NCOA1: variants seen among roughly 807,000 people sequenced by gnomAD.
The protein encoded by NCOA1 is Hin-2 protein.
In NCOA1, 35 loss-of-function variants were observed where a neutral mutation model predicts 150.9. The observed-to-expected ratio is 0.23, with a 90% CI of 0.18 to 0.31. NCOA1 has a LOEUF of 0.31. Among genes scored for constraint, NCOA1 ranks in the 10% least tolerant of loss-of-function variants. The pLI, the probability that NCOA1 is intolerant of heterozygous loss-of-function variation, is 1.00. For missense variants in NCOA1, 1,491 were observed against 1,749.3 expected (o/e 0.85, Z 2.63); for synonymous variants, 590 against 630.0 (o/e 0.94, Z 0.95).
chr2:24,693,413 T>C, intron 10 of NCOA1, 66 bp downstream of exon 10: 1 of 1,322,798 alleles, frequency 7.6e-7, no homozygotes. Flanking sequence ...TTAAAACTAA[T>C]TATATCCAGA....
chr2:24,622,619 C>T (rs1342241973), intron 3 of NCOA1, among the ~76,000 whole-genome samples: 1 of 152,178 alleles, frequency 6.6e-6, no homozygotes, highest in Non-Finnish European at 1.5e-5. Flanking sequence ...TCCCTAGACC[C>T]TTACCAGTGC....
intron 17 of NCOA1, among the ~76,000 whole-genome samples, chr2:24,734,965 C>A (rs1046576859): frequency 4.6e-5 from 7 of 151,988 alleles, no homozygotes; most frequent in Non-Finnish European, 1.0e-4. Context: ...ACAGAGGTGA[C>A]AATGGGGAAA....
At chr2:24,503,476 A>G (rs1372671093) in intron 1 of NCOA1, among the ~76,000 whole-genome samples, 1 of 152,240 alleles carries the variant, frequency 6.6e-6, no homozygotes, top group African/African-American at 2.4e-5. Context: ...TACAAATTTT[A>G]ATTGAATACC....
intron 19 of NCOA1, 122 bp downstream of exon 19, chr2:24,742,308 G>A (rs749437962): frequency 3.4e-6 from 4 of 1,161,094 alleles, no homozygotes; most frequent in Non-Finnish European, 4.8e-6. Context: ...ACTGACGTGG[G>A]AGTCTGGAGA....
chr2:24,564,456 G>C (rs1412953760), intron 2 of NCOA1, 26 bp downstream of exon 2: 2 of 152,170 alleles, frequency 1.3e-5, no homozygotes, highest in African/African-American at 4.8e-5. Flanking sequence ...TTTTACTTTA[G>C]TTTTGACTCC....
At chr2:24,757,864 A>T in intron 20 of NCOA1, 109 bp from the exon 21 acceptor site, 1 of 959,746 alleles carries the variant, frequency 1.0e-6, no homozygotes, top group African/African-American at 1.7e-5. Flanking sequence ...AGTTACAGTC[A>T]TACATGCAAT....
At chr2:24,729,860 A>G (rs1300782425) in intron 17 of NCOA1, 45 bp downstream of exon 17, 3 of 1,422,546 alleles carry the variant, frequency 2.1e-6, no homozygotes, top group East Asian at 2.5e-5. Flanking sequence ...TTTTTTTGAG[A>G]CGAAGTCTCA....
chr2:24,714,470 G>A (rs1673917446), intron 14 of NCOA1, among the ~76,000 whole-genome samples: 1 of 151,628 alleles, frequency 6.6e-6, no homozygotes, highest in South Asian at 2.1e-4. Context: ...GGGACAACAT[G>A]AACATAATGA....
At position 24,768,408 on chromosome 2, in the gene NCOA1, G is replaced by A. The variant is rs1475500433; in HGVS notation, c.*17G>A. 6 of 1,530,520 alleles carry A rather than the reference G, an allele frequency of 3.9e-6. No homozygotes were observed. The Admixed American group carries it at 7.6e-5, about 19-fold the overall frequency. The allele number at this position is 1,530,520 out of a possible 1,614,324, so 94.8% of individuals were successfully genotyped here. A position where few individuals can be genotyped will look rare whatever the true frequency, so the allele number is the denominator to read the frequency against. On this transcript the variant is annotated 3_prime_UTR_variant, in exon 23 of 23. Transcript: ENST00000348332. ...ACTGAATAACCACTTTTAAAGGAAT[G>A]TGAAATTTAAATAATAGACATACAG...
At chr2:24,514,963 C>G (rs562663781) in intron 1 of NCOA1, among the ~76,000 whole-genome samples, 2 of 151,944 alleles carry the variant, frequency 1.3e-5, no homozygotes, top group Non-Finnish European at 2.9e-5. Context: ...AGAGATGGTA[C>G]GGATTCATTG....
intron 1 of NCOA1, among the ~76,000 whole-genome samples, chr2:24,559,394 G>T (rs1225139704): frequency 1.3e-5 from 2 of 152,154 alleles, no homozygotes; most frequent in Non-Finnish European, 2.9e-5. Context: ...ATTTTTCTCT[G>T]TGTTCCTGTA....
At chr2:24,602,025 C>T (rs1040555774) in intron 3 of NCOA1, among the ~76,000 whole-genome samples, 3 of 152,028 alleles carry the variant, frequency 2.0e-5, no homozygotes, top group African/African-American at 7.2e-5. Flanking sequence ...ATGCCTTCAC[C>T]GTTTAATTTT....
intron 2 of NCOA1, among the ~76,000 whole-genome samples, chr2:24,582,939 A>G (rs1558811943): frequency 6.6e-6 from 1 of 152,220 alleles, no homozygotes; most frequent in Non-Finnish European, 1.5e-5. Context: ...ATCGTATACA[A>G]AAATCAACTC....
At chr2:24,699,159 A>G (rs1461787741) in intron 11 of NCOA1, among the ~76,000 whole-genome samples, 2 of 152,188 alleles carry the variant, frequency 1.3e-5, no homozygotes, top group African/African-American at 4.8e-5. Context: ...TGACTTTTGC[A>G]TAGGTTTGGG....
rs530652081 is a variant in NCOA1, at chr2:24,720,191, C to T, written c.2600-6398C>T. Among the ~76,000 whole-genome samples, 5 of 152,186 alleles carry T rather than the reference C, an allele frequency of 3.3e-5. No individual in the cohort carries two copies. The South Asian group carries it at 1.0e-3, about 32-fold the overall frequency. On this transcript the variant is annotated intron_variant, in intron 14 of 22. Transcript: ENST00000348332. ...ATATTTAGAAATAAATAGGCAATGC[C>T]AAAGAAAACAGTTTTCAGAGTTGCA... is the stretch of plus-strand genomic sequence containing the variant.
chr2:24,577,835 A>G (rs1463734299), intron 2 of NCOA1, among the ~76,000 whole-genome samples: 1 of 152,188 alleles, frequency 6.6e-6, no homozygotes, highest in Non-Finnish European at 1.5e-5. Flanking sequence ...CAACTTTTGC[A>G]TTACAATAGC....
rs1166260332 is a variant in NCOA1, at chr2:24,762,672, A to G, written c.4066-15A>G. 3 of 1,608,484 alleles carry G rather than the reference A, an allele frequency of 1.9e-6. No individual in the cohort carries two copies. The highest frequency in any genetic ancestry group is 2.2e-5 in the South Asian group (2 of 90,584). On this transcript the variant is annotated splice_polypyrimidine_tract_variant and intron_variant, in intron 21 of 22. Coordinates refer to ENST00000348332, the MANE Select transcript of NCOA1 (RefSeq NM_003743.5). ...CAACTAGCTTGTAATTTGATCTTGT[A>G]TTTATCTTTAATAGATAAATGATCC... is the stretch of plus-strand genomic sequence containing the variant.
intron 1 of NCOA1, among the ~76,000 whole-genome samples, chr2:24,546,859 T>G (rs1665624661): frequency 6.6e-6 from 1 of 152,204 alleles, no homozygotes; most frequent in Non-Finnish European, 1.5e-5. Flanking sequence ...TCCTCAGCAT[T>G]GTGGTGTCAG....
chr2:24,541,157 G>C (rs1054771504), intron 1 of NCOA1, among the ~76,000 whole-genome samples: 1 of 152,202 alleles, frequency 6.6e-6, no homozygotes, highest in Admixed American at 6.5e-5. Flanking sequence ...AAGTGATAAT[G>C]GTAGTTGATA....
Sources: gnomAD v4.1 joint callset for allele counts (sites outside exome capture counted in the v4.1 genomes callset) on GRCh38, gnomAD v4.1.1 for gene constraint, MANE v1.5 for transcripts, NCBI Gene and HGNC (gene_info 2026-07-23, HGNC 2026-07-21) for gene names.